Variants in SLC1A6 observed in about 807,000 individuals in gnomAD.
SLC1A6 encodes the protein solute carrier family 1 member 6.
In SLC1A6, 15 loss-of-function variants were observed where a neutral mutation model predicts 42.1. The observed-to-expected ratio is 0.36, with a 90% CI of 0.24 to 0.55. The LOEUF is 0.55. Ranked by LOEUF, SLC1A6 falls within the 20% of genes least tolerant of loss-of-function variation. The probability of loss-of-function intolerance (pLI) is 0.88; values close to 1 mark genes in which losing one functional copy is unlikely to be tolerated. For missense variants in SLC1A6, 542 were observed against 772.5 expected, an observed-to-expected ratio of 0.70 and a Z score of 3.54; for synonymous variants, 317 against 319.7, an observed-to-expected ratio of 0.99 and a Z score of 0.09.
intron 1 of SLC1A6, among the ~76,000 whole-genome samples, chr19:14,988,936 T>C (rs1346545473): frequency 2.0e-5 from 3 of 152,112 alleles, no homozygotes; most frequent in Non-Finnish European, 4.4e-5. Context: ...GGAGGATCAC[T>C]TGAACTGAGG....
chr19:14,996,760 C>T (rs1160253608), intron 1 of SLC1A6, among the ~76,000 whole-genome samples: 1 of 152,064 alleles, frequency 6.6e-6, no homozygotes, highest in East Asian at 1.9e-4. Context: ...GCTCAATAAA[C>T]ATTTGCCAAG....
intron 9 of SLC1A6, among the ~76,000 whole-genome samples, chr19:14,951,542 G>A (rs1368408552): frequency 1.3e-5 from 2 of 151,422 alleles, no homozygotes; most frequent in African/African-American, 4.9e-5. Context: ...TTGAGATGGT[G>A]TTTCACTCCT....
At chr19:14,966,332 A>T (rs1187539493) in intron 4 of SLC1A6, among the ~76,000 whole-genome samples, 4 of 152,106 alleles carry the variant, frequency 2.6e-5, no homozygotes, top group African/African-American at 9.7e-5. Context: ...TCTCCACTAA[A>T]AATACAAAAA....
At chr19:15,005,969 G>A (rs1423013121) in intron 1 of SLC1A6, among the ~76,000 whole-genome samples, 1 of 152,216 alleles carries the variant, frequency 6.6e-6, no homozygotes, top group Non-Finnish European at 1.5e-5. Flanking sequence ...TGGTTGGGAA[G>A]GTGGACGTAC....
At chr19:14,956,416 G>A in intron 7 of SLC1A6, 60 bp downstream of exon 7, 1 of 1,109,154 alleles carries the variant, frequency 9.0e-7, no homozygotes, top group Non-Finnish European at 1.3e-6. Flanking sequence ...CCTTAGGAGA[G>A]GACATGAAGG....
intron 5 of SLC1A6, 36 bp from the exon 6 acceptor site, chr19:14,962,381 A>G: frequency 6.6e-7 from 1 of 1,509,978 alleles, no homozygotes; most frequent in South Asian, 1.2e-5. Flanking sequence ...GATTCAATTC[A>G]GCGGATGCAT....
At chr19:14,968,645 A>C (rs964429785) in intron 3 of SLC1A6, 138 bp from the exon 4 acceptor site, 1 of 679,692 alleles carries the variant, frequency 1.5e-6, no homozygotes, top group Non-Finnish European at 2.4e-6. Flanking sequence ...CCCACCCCAA[A>C]ACCCACCCAT....
chr19:14,996,528 T>TTTCTTCCTCTTC (rs2045846878), intron 1 of SLC1A6, among the ~76,000 whole-genome samples: 1 of 125,854 alleles, frequency 7.9e-6, no homozygotes, highest in Non-Finnish European at 1.7e-5. Flanking sequence ...CCTCCTCCTC[T>TTTCTTCCTCTTC]TTCTTCTTCT....
chr19:14,960,330 T>C (rs1403314221), intron 6 of SLC1A6, among the ~76,000 whole-genome samples: 1 of 152,058 alleles, frequency 6.6e-6, no homozygotes, highest in Non-Finnish European at 1.5e-5. Context: ...CTTAACTGAG[T>C]AAATAAACAG....
intron 8 of SLC1A6, 117 bp from the exon 9 acceptor site, chr19:14,953,179 T>C: frequency 1.4e-6 from 1 of 733,186 alleles, no homozygotes; most frequent in East Asian, 2.8e-5. Flanking sequence ...TTAAATTAAA[T>C]ACCCAAGCCA....
chr19:15,001,414 T>TAAGAACATTTCAGAGGAGA (rs140202080), intron 1 of SLC1A6, among the ~76,000 whole-genome samples: 14,701 of 151,826 alleles, frequency 0.097, 868 homozygotes, highest in East Asian at 0.2. Context: ...AAATGCAGAA[T>TAAGAACATTTCAGAGGAGA]AAGAACATTT....
chr19:14,951,253 C>CAAA (rs1164185118), intron 9 of SLC1A6, among the ~76,000 whole-genome samples: 47 of 86,784 alleles, frequency 5.4e-4, no homozygotes, highest in East Asian at 8.3e-4. Flanking sequence ...CTCTGTCTCA[C>CAAA]AAAAAAAAAA....
At chr19:14,965,177 G>A (rs941184975) in intron 4 of SLC1A6, among the ~76,000 whole-genome samples, 8 of 151,934 alleles carry the variant, frequency 5.3e-5, no homozygotes, top group African/African-American at 1.7e-4. Context: ...CCACCACCAC[G>A]CCTGGCTAAT....
At chr19:14,977,447 GAAA>G (rs923894269) in intron 1 of SLC1A6, 36 of 152,228 alleles carry the variant, frequency 2.4e-4, no homozygotes, top group African/African-American at 8.7e-4. Context: ...GCCATTTGCT[GAAA>G]AAATTTGCTG....
chr19:14,961,171 T>C (rs2045507751), intron 6 of SLC1A6: 1 of 152,104 alleles, frequency 6.6e-6, no homozygotes, highest in South Asian at 2.1e-4. Context: ...CCTCCCAAAG[T>C]GCTGAGATTA....
At chr19:14,981,973 G>T (rs562851636), upstream of SLC1A6, among the ~76,000 whole-genome samples, 6 of 152,038 alleles carry the variant, frequency 3.9e-5, no homozygotes, top group South Asian at 1.2e-3. Flanking sequence ...ATCTGGGACC[G>T]CTTGAGTCCA....
At chr19:14,991,546 C>A (rs1439412675) in intron 1 of SLC1A6, among the ~76,000 whole-genome samples, 1 of 151,194 alleles carries the variant, frequency 6.6e-6, no homozygotes, top group South Asian at 2.1e-4. Flanking sequence ...TGCTTGAACC[C>A]GGGAGGAGGA....
intron 4 of SLC1A6, among the ~76,000 whole-genome samples, chr19:14,966,103 G>T (rs931486989): frequency 6.6e-6 from 1 of 152,062 alleles, no homozygotes; most frequent in African/African-American, 2.4e-5. Context: ...CTAGTGGGAC[G>T]GATGCACTAA....
chr19:14,976,164 T>A (rs2045708660), intron 1 of SLC1A6, among the ~76,000 whole-genome samples: 1 of 152,022 alleles, frequency 6.6e-6, no homozygotes, highest in South Asian at 2.1e-4. Context: ...TCCAGAAACC[T>A]CCCTACTGAA....
Sources: allele counts gnomAD v4.1 joint callset (sites outside exome capture counted in the v4.1 genomes callset), GRCh38; gene constraint gnomAD v4.1.1; transcripts MANE v1.5; gene names NCBI Gene and HGNC (gene_info 2026-07-23, HGNC 2026-07-21).